The following MID2 variants were observed in gnomAD, a reference collection of about 807,000 sequenced individuals.
MID2 encodes midline 2.
MID2 carries 13 observed loss-of-function variants against 46.1 expected under a neutral mutation model. The ratio of observed to expected loss-of-function variants is 0.28; its 90% CI spans 0.18 to 0.45. The LOEUF (loss-of-function observed/expected upper bound fraction) is 0.45, where lower values mean the gene tolerates loss of function less well. Ranked by LOEUF, MID2 falls within the 20% of genes least tolerant of loss-of-function variation. The probability of loss-of-function intolerance (pLI) is 1.00; values close to 1 mark genes in which losing one functional copy is unlikely to be tolerated. For missense variants in MID2, 431 were observed against 575.4 expected, an observed-to-expected ratio of 0.75 and a Z score of 2.57; for synonymous variants, 199 against 212.3, an observed-to-expected ratio of 0.94 and a Z score of 0.55.
intron 3 of MID2, among the ~76,000 whole-genome samples, chrX:107,878,845 C>G: frequency 8.9e-6 from 1 of 112,309 alleles, no homozygotes; most frequent in East Asian, 2.8e-4. Flanking sequence ...ATTTACTCAC[C>G]CTTCTGACGT....
intron 2 of MID2, among the ~76,000 whole-genome samples, chrX:107,853,036 A>T (rs1602466043): frequency 9.0e-6 from 1 of 111,133 alleles, no homozygotes. Flanking sequence ...TATTGGGGTG[A>T]GTCTTAGAGG....
intron 7 of MID2, among the ~76,000 whole-genome samples, chrX:107,922,224 A>G (rs891948927): frequency 1.3e-4 from 15 of 111,564 alleles, no homozygotes; most frequent in African/African-American, 4.9e-4. Flanking sequence ...CTGGCTCCCA[A>G]CATCAACACA....
Position 107,886,955 on chromosome X carries a change from A to T in MID2, c.817-17003A>T, listed in dbSNP as rs187584466. Among the ~76,000 whole-genome samples, 375 of 111,802 alleles carry T rather than the reference A, an allele frequency of 3.4e-3. 4 individuals are homozygous for T. Among genetic ancestry groups the T allele is most frequent in the African/African-American group, 0.012 (361 of 30,734 alleles). The stretch of plus-strand genomic sequence containing the variant: ...TTATTGGTGTATAAGAATGCTTGTG[A>T]TTTTTGCACATTGATTTTGTATCCT... On this transcript the variant is annotated intron_variant, in intron 3 of 9. Coordinates refer to ENST00000262843, the MANE Select transcript of MID2 (RefSeq NM_012216.4).
chrX:107,841,792 A>G (rs932440306), intron 2 of MID2, among the ~76,000 whole-genome samples: 1 of 112,451 alleles, frequency 8.9e-6, no homozygotes, highest in African/African-American at 3.2e-5. Flanking sequence ...GGTATATGGC[A>G]ATGGGAAGGC....
chrX:107,887,303 T>C (rs1932475731), intron 3 of MID2, among the ~76,000 whole-genome samples: 1 of 112,239 alleles, frequency 8.9e-6, no homozygotes, highest in Non-Finnish European at 1.9e-5. Flanking sequence ...GTCCAATCAA[T>C]GCCTAATTTC....
intron 3 of MID2, among the ~76,000 whole-genome samples, chrX:107,896,544 C>T (rs754817661): frequency 6.2e-5 from 7 of 112,248 alleles, no homozygotes; most frequent in Non-Finnish European, 1.1e-4. Flanking sequence ...GCAGATTGTC[C>T]TCACGCTCTG....
chrX:107,826,468 G>A, intron 1 of MID2, 38 bp downstream of exon 1: 2 of 1,129,282 alleles, frequency 1.8e-6, no homozygotes, highest in East Asian at 3.8e-5. Context: ...TGGAGGTCGA[G>A]CGTCGTAGCC....
At chrX:107,846,189 C>A (rs1329038796) in intron 2 of MID2, among the ~76,000 whole-genome samples, 1 of 111,102 alleles carries the variant, frequency 9.0e-6, no homozygotes, top group Non-Finnish European at 1.9e-5. Context: ...AAGGATCAAT[C>A]TAATAAATGA....
intron 3 of MID2, chrX:107,894,861 G>GAA (rs1842522824): frequency 2.5e-5 from 1 of 40,690 alleles, no homozygotes; most frequent in African/African-American, 6.5e-5. Flanking sequence ...GTGTGTGTGT[G>GAA]TGTGAAAGAG....
chrX:107,879,659 G>A (rs1353224606), intron 3 of MID2, among the ~76,000 whole-genome samples: 1 of 111,724 alleles, frequency 9.0e-6, no homozygotes, highest in Non-Finnish European at 1.9e-5. Context: ...AGGCTTGAGG[G>A]TGGGACGCTT....
In MID2 at chrX:107,840,688, TG is replaced by T; in HGVS notation, c.25del (p.Val9PhefsTer11). The T allele has an allele frequency of 1.7e-6, 2 of 1,208,803 alleles. No homozygotes were observed. The highest frequency in any genetic ancestry group is 2.2e-6 in the Non-Finnish European group (2 of 893,101). On this transcript the variant is annotated frameshift_variant, in exon 2 of 10. Transcript: ENST00000262843. LOFTEE classifies it high-confidence loss of function. The part of the protein sequence containing the change: MGESPAS[V>X]VLNASGGLFS... The stretch of plus-strand genomic sequence containing the variant: ...CTTGCAGGTGAAAGCCCAGCCTCCG[TG>T]GTTCTTAATGCCTCAGGAGGACTAT...
At chrX:107,888,364 G>T (rs1281795927) in intron 3 of MID2, among the ~76,000 whole-genome samples, 2 of 112,172 alleles carry the variant, frequency 1.8e-5, no homozygotes, top group Non-Finnish European at 3.8e-5. Flanking sequence ...GTTTATTTCT[G>T]CTTTCCTTTT....
chrX:107,826,528 C>T (rs1299734342), intron 1 of MID2, 98 bp downstream of exon 1: 7 of 1,005,493 alleles, frequency 7.0e-6, no homozygotes, highest in Non-Finnish European at 9.1e-6. Context: ...GCCGCCGGGG[C>T]CCGGCGTTGG....
At chrX:107,914,138 C>G (rs767325550) in intron 5 of MID2, among the ~76,000 whole-genome samples, 8 of 112,227 alleles carry the variant, frequency 7.1e-5, no homozygotes, top group Non-Finnish European at 1.5e-4. Context: ...CACGTAATGT[C>G]TTTCTCCTTC....
intron 3 of MID2, among the ~76,000 whole-genome samples, chrX:107,886,792 A>G (rs938377309): frequency 9.0e-6 from 1 of 111,359 alleles, no homozygotes; most frequent in East Asian, 2.8e-4. Context: ...ATCCTCTTTT[A>G]TTTCATTGAG....
intron 3 of MID2, among the ~76,000 whole-genome samples, chrX:107,868,365 T>C (rs1333958951): frequency 8.9e-6 from 1 of 111,745 alleles, no homozygotes; most frequent in Non-Finnish European, 1.9e-5. Flanking sequence ...GATGATCTTT[T>C]AAATAATGAT....
chrX:107,896,916 A>G (rs1471502301), intron 3 of MID2, among the ~76,000 whole-genome samples: 2 of 111,220 alleles, frequency 1.8e-5, no homozygotes, highest in African/African-American at 6.5e-5. Context: ...TACTAGTTAT[A>G]TGACCTTGGG....
intron 3 of MID2, among the ~76,000 whole-genome samples, chrX:107,887,975 C>T (rs1290245411): frequency 8.9e-6 from 1 of 111,744 alleles, no homozygotes; most frequent in African/African-American, 3.3e-5. Context: ...GTGATATCTC[C>T]TTTATCATTT....
At chrX:107,860,590 A>G (rs1206212389) in intron 3 of MID2, among the ~76,000 whole-genome samples, 2 of 112,697 alleles carry the variant, frequency 1.8e-5, no homozygotes, top group Admixed American at 1.9e-4. Flanking sequence ...TGACTTTCCA[A>G]AAATAAATAG....
Sources: gnomAD v4.1 joint callset for allele counts (sites outside exome capture counted in the v4.1 genomes callset) on GRCh38, gnomAD v4.1.1 for gene constraint, MANE v1.5 for transcripts, NCBI Gene and HGNC (gene_info 2026-07-23, HGNC 2026-07-21) for gene names.